The following CDKL5 variants were observed in gnomAD, a reference collection of about 807,000 sequenced individuals.
The protein encoded by CDKL5 is cyclin dependent kinase like 5.
In CDKL5, 8 loss-of-function variants were observed where a neutral mutation model predicts 61.7. That is an observed-to-expected ratio of 0.13 (90% confidence interval 0.08 to 0.23). The LOEUF (loss-of-function observed/expected upper bound fraction) is 0.23. Among genes scored for constraint, CDKL5 ranks in the 10% least tolerant of loss-of-function variants. The pLI is 1.00. For missense variants in CDKL5, 440 were observed against 734.5 expected (o/e 0.60, Z 4.63); for synonymous variants, 275 against 272.3 (o/e 1.01, Z -0.10).
intron 3 of CDKL5, among the ~76,000 whole-genome samples, chrX:18,524,872 T>C (rs760683711): frequency 8.9e-6 from 1 of 112,188 alleles, no homozygotes; most frequent in African/African-American, 3.2e-5. Context: ...GGATTGCCTG[T>C]GCTCCTTTGT....
At chrX:18,588,190 T>C in intron 9 of CDKL5, 47 bp downstream of exon 9, 2 of 969,024 alleles carry the variant, frequency 2.1e-6, no homozygotes, top group Non-Finnish European at 3.0e-6. Context: ...ACTGCAGTAT[T>C]TGAGTCATTG....
intron 1 of CDKL5, among the ~76,000 whole-genome samples, chrX:18,481,500 G>T (rs1401655818): frequency 9.4e-6 from 1 of 105,900 alleles, no homozygotes. Context: ...CTACAGGTGC[G>T]GGCCACCACA....
rs142493067 is a variant in CDKL5, at chrX:18,632,932, C to A, written c.*4175C>A. On this transcript the variant is annotated 3_prime_UTR_variant, in exon 18 of 18. Transcript: ENST00000623535. ...GTATTATTGAGAATGACTCATAGTA[C>A]AACTTTTTTTCAAAGGCCAGAGGAT... The A allele has an allele frequency of 5.5e-5, 41 of 751,824 alleles. No individual in the cohort carries two copies. Among genetic ancestry groups the A allele is most frequent in the Non-Finnish European group, 6.3e-5 (40 of 638,195 alleles). 62.0% of individuals were successfully genotyped at this position (751,824 alleles called of 1,213,427 possible). A position where few individuals can be genotyped will look rare whatever the true frequency, so the allele number is the denominator to read the frequency against.
Position 18,630,052 on chromosome X carries a change from C to T in CDKL5, c.*1295C>T. On this transcript the variant is annotated 3_prime_UTR_variant, in exon 18 of 18. Coordinates refer to ENST00000623535, the MANE Select transcript of CDKL5 (RefSeq NM_001323289.2). ...TGTGTGGCATTTCTATTTCTGAATGCCTTTTTTGCTATTGCTCTCTCCAAT... is the reference window on the plus strand; with the variant it reads ...TGTGTGGCATTTCTATTTCTGAATGTCTTTTTTGCTATTGCTCTCTCCAAT... 1.3e-6 allele frequency: 1 copy of T among 753,109 alleles called. No homozygotes were observed. The highest frequency in any genetic ancestry group is 6.8e-5 in the South Asian group (1 of 14,789). 62.1% of individuals were successfully genotyped at this position (753,109 alleles called of 1,213,427 possible).
At chrX:18,507,549 A>G (rs2147092558) in intron 2 of CDKL5, among the ~76,000 whole-genome samples, 1 of 91,401 alleles carries the variant, frequency 1.1e-5, no homozygotes, top group African/African-American at 4.0e-5. Context: ...TGAATAACTT[A>G]AATTTCATTC....
At chrX:18,531,132 T>C (rs1466520936) in intron 3 of CDKL5, among the ~76,000 whole-genome samples, 2 of 112,236 alleles carry the variant, frequency 1.8e-5, no homozygotes, top group Admixed American at 1.9e-4. Context: ...TTTCTTCTGT[T>C]AGATGAAACA....
chrX:18,431,184 A>C (rs1931478306), intron 1 of CDKL5, among the ~76,000 whole-genome samples: 2 of 111,121 alleles, frequency 1.8e-5, no homozygotes, highest in South Asian at 7.5e-4. Context: ...TTAAAACAAG[A>C]CCCATCATTA....
intron 3 of CDKL5, among the ~76,000 whole-genome samples, chrX:18,558,704 A>G (rs1452041665): frequency 8.9e-6 from 1 of 111,925 alleles, no homozygotes; most frequent in Non-Finnish European, 1.9e-5. Context: ...ACCCATGCTC[A>G]CAGGAACTGA....
chrX:18,653,351 G>T, intron 21 of CDKL5: 1 of 1,175,346 alleles, frequency 8.5e-7, no homozygotes, highest in Non-Finnish European at 1.1e-6. Flanking sequence ...GCTCCGTGGG[G>T]GGCCCGGGCA....
rs1476819840 is a variant in CDKL5 at position 18,608,899 on chromosome X, G to A, written c.2033G>A (p.Arg678His). 4.3e-6 allele frequency: 5 copies of A among 1,176,165 alleles called. No homozygotes were observed. The highest frequency in any genetic ancestry group is 3.0e-5 in the East Asian group (1 of 33,616). ...SREGTSSFHTRQKSEGGVYHD... is the reference protein window; with the variant it reads ...SREGTSSFHTHQKSEGGVYHD... Reference sequence around the variant, plus strand: ...GAAGGCACCTCTTCCTTCCATACACGCCAGAAGTCTGAGGTATGTCACAAT... The same window carrying A: ...GAAGGCACCTCTTCCTTCCATACACACCAGAAGTCTGAGGTATGTCACAAT... Residue 678 changes from arginine to histidine, a missense_variant, in exon 13 of 18, where the codon CGC (arginine) becomes CAC (histidine). Around this residue, in one of 2 missense-constraint regions of CDKL5, gnomAD observed 363 missense variants for 516.3 expected, o/e 0.70. Transcript: ENST00000623535.
chrX:18,428,870 G>T (rs752553281), intron 1 of CDKL5, among the ~76,000 whole-genome samples: 42 of 111,316 alleles, frequency 3.8e-4, no homozygotes, highest in Admixed American at 9.7e-4. Flanking sequence ...GCAATTAAAA[G>T]ACTACATTTA....
chrX:18,592,930 G>A (rs913543690), intron 9 of CDKL5, among the ~76,000 whole-genome samples: 6 of 111,916 alleles, frequency 5.4e-5, no homozygotes, highest in African/African-American at 1.9e-4. Context: ...ATAGTATAGG[G>A]CCTAGGCTCT....
intron 3 of CDKL5, among the ~76,000 whole-genome samples, chrX:18,514,818 T>G (rs779061667): frequency 9.0e-6 from 1 of 111,533 alleles, no homozygotes; most frequent in Non-Finnish European, 1.9e-5. Context: ...TGGTTTTTTT[T>G]GTGACGAAGT....
intron 1 of CDKL5, among the ~76,000 whole-genome samples, chrX:18,432,079 C>A (rs1479273286): frequency 9.9e-6 from 1 of 101,488 alleles, no homozygotes; most frequent in Admixed American, 1.1e-4. Context: ...TGGCTAATTT[C>A]TTTCTTTCTT....
At chrX:18,624,159 C>T (rs1440284189) in intron 16 of CDKL5, among the ~76,000 whole-genome samples, 1 of 111,867 alleles carries the variant, frequency 8.9e-6, no homozygotes, top group Non-Finnish European at 1.9e-5. Flanking sequence ...AATTCATTGC[C>T]ATTCTTCTGA....
intron 1 of CDKL5, among the ~76,000 whole-genome samples, chrX:18,505,473 A>G (rs1384008085): frequency 8.9e-6 from 1 of 112,419 alleles, no homozygotes; most frequent in East Asian, 2.8e-4. Flanking sequence ...CATGCAATGT[A>G]TTTCATTGTC....
intron 1 of CDKL5, among the ~76,000 whole-genome samples, chrX:18,429,414 G>GTAATT (rs780224322): frequency 2.2e-4 from 24 of 111,395 alleles, no homozygotes; most frequent in Non-Finnish European, 4.0e-4. Context: ...ACTGTGACAC[G>GTAATT]TAATTTATTT....
At chrX:18,450,271 T>C (rs955983359) in intron 1 of CDKL5, among the ~76,000 whole-genome samples, 1 of 112,380 alleles carries the variant, frequency 8.9e-6, no homozygotes, top group Non-Finnish European at 1.9e-5. Flanking sequence ...ACTCCTGGTT[T>C]TTTGGTTAAT....
chrX:18,604,586 G>A lies in CDKL5; in HGVS notation c.1662G>A (p.Thr554=), dbSNP rs771556342. 6 of 1,211,773 alleles carry A rather than the reference G, an allele frequency of 5.0e-6. No homozygotes were observed. The highest frequency in any genetic ancestry group is 2.3e-4 in the Middle Eastern group (1 of 4,355). The change falls in exon 12 of 18, where the codon ACG becomes ACA. Residue 554 remains threonine, a synonymous_variant. Coordinates refer to ENST00000623535, the MANE Select transcript of CDKL5 (RefSeq NM_001323289.2). The part of the protein sequence containing the change: ...PSGRNNRNEG[T]LDSRRTTTRH... The stretch of plus-strand genomic sequence containing the variant: ...GAAGAAATAACCGAAATGAGGGAAC[G>A]CTGGACTCACGTCGAACCACAACCA...
Sources: allele counts gnomAD v4.1 joint callset (sites outside exome capture counted in the v4.1 genomes callset), GRCh38; gene constraint gnomAD v4.1.1; regional missense constraint gnomAD v4.1.1; transcripts MANE v1.5; gene names NCBI Gene and HGNC (gene_info 2026-07-23, HGNC 2026-07-21).